KLHDC4: variants seen among roughly 807,000 people sequenced by gnomAD.
The protein encoded by KLHDC4 is kelch domain containing 4, also known as kelch domain-containing protein 4.
A neutral mutation model predicts 62.4 loss-of-function variants in KLHDC4; 90 were observed. The observed-to-expected ratio is 1.44, with a 90% CI of 1.22 to 1.72. The LOEUF is 1.72. Among genes scored for constraint, KLHDC4 ranks in the 40% most tolerant of loss-of-function variants. The pLI, the probability that KLHDC4 is intolerant of heterozygous loss-of-function variation, is 0.00. For synonymous variants in KLHDC4, 386 were observed against 284.4 expected, an observed-to-expected ratio of 1.36 and a Z score of -3.59; for missense variants, 1,025 against 699.7, an observed-to-expected ratio of 1.47 and a Z score of -5.25.
intron 4 of KLHDC4, among the ~76,000 whole-genome samples, chr16:87,750,676 C>T (rs1390549820): frequency 6.6e-6 from 1 of 152,214 alleles, no homozygotes; most frequent in Admixed American, 6.5e-5. Context: ...CAGGCTCCCT[C>T]CCGGCACCTC....
At chr16:87,714,749 T>C (rs2036598529) in intron 7 of KLHDC4, among the ~76,000 whole-genome samples, 176 bp from the exon 8 acceptor site, 1 of 152,182 alleles carries the variant, frequency 6.6e-6, no homozygotes, top group South Asian at 2.1e-4. Flanking sequence ...CCTGACAGGC[T>C]TTATCCCCCA....
At chr16:87,737,855 T>C (rs1008943878) in intron 5 of KLHDC4, among the ~76,000 whole-genome samples, 6 of 152,080 alleles carry the variant, frequency 3.9e-5, no homozygotes, top group Admixed American at 3.3e-4. Flanking sequence ...CCTCCCAAAG[T>C]GCTGGGATTA....
intron 4 of KLHDC4, among the ~76,000 whole-genome samples, chr16:87,753,253 C>T (rs1294193400): frequency 6.6e-6 from 1 of 152,210 alleles, no homozygotes; most frequent in African/African-American, 2.4e-5. Context: ...ACCAAGGAAC[C>T]ACCACTGTGA....
intron 1 of KLHDC4, chr16:87,765,077 G>A (rs376396525): frequency 1.4e-4 from 65 of 455,566 alleles, no homozygotes; most frequent in African/African-American, 1.1e-3. Context: ...TGCTCGTGAG[G>A]AGTAAAGCCC....
intron 2 of KLHDC4, 141 bp from the exon 3 acceptor site, chr16:87,756,618 G>T (rs1173229541): frequency 1.6e-6 from 1 of 611,412 alleles, no homozygotes; most frequent in African/African-American, 1.9e-5. Context: ...ATCGAGAAAG[G>T]AAGCAAAGGT....
At chr16:87,707,204 C>T (rs546554551), downstream of KLHDC4, among the ~76,000 whole-genome samples, 20 of 152,346 alleles carry the variant, frequency 1.3e-4, no homozygotes, top group African/African-American at 4.8e-4. Flanking sequence ...AGTTAGCGCA[C>T]CACAGCCTTC....
chr16:87,703,273 C>T (rs1251481294), downstream of KLHDC4: 1 of 152,184 alleles, frequency 6.6e-6, no homozygotes, highest in African/African-American at 2.4e-5. Flanking sequence ...ATGGCGTCCC[C>T]GGGTCAGCGC....
intron 2 of KLHDC4, 58 bp downstream of exon 2, chr16:87,761,891 G>T (rs1162744399): frequency 2.6e-6 from 4 of 1,545,220 alleles, no homozygotes. Flanking sequence ...ATTTAAAGCA[G>T]TTTTTCAATG....
At chr16:87,713,700 C>A (rs920308182) in intron 8 of KLHDC4, among the ~76,000 whole-genome samples, 3 of 152,072 alleles carry the variant, frequency 2.0e-5, no homozygotes. Context: ...ATGAAACGTG[C>A]CATGTGTAGA....
intron 7 of KLHDC4, among the ~76,000 whole-genome samples, chr16:87,715,824 GAC>G (rs1485333005): frequency 1.3e-5 from 2 of 152,308 alleles, no homozygotes; most frequent in East Asian, 3.9e-4. Flanking sequence ...CACAGATATT[GAC>G]ACAGACTTCG....
At chr16:87,765,434 T>A (rs1415181120) in intron 1 of KLHDC4, 1 of 495,860 alleles carries the variant, frequency 2.0e-6, no homozygotes, top group Non-Finnish European at 3.9e-6. Context: ...CCTCAGGTCT[T>A]CCTGTGCCAA....
intron 5 of KLHDC4, among the ~76,000 whole-genome samples, chr16:87,732,143 C>A (rs933316491): frequency 6.6e-6 from 1 of 150,768 alleles, no homozygotes; most frequent in East Asian, 1.9e-4. Flanking sequence ...TTGCCCAGGC[C>A]GGAGTGCAGT....
chr16:87,737,103 C>T lies in KLHDC4; in HGVS notation c.507-6459G>A, dbSNP rs1462088949. Among the ~76,000 whole-genome samples, 14 of 11,324 alleles carry T rather than the reference C, an allele frequency of 1.2e-3. No homozygotes were observed. The South Asian group carries it at 0.061, about 49-fold the overall frequency. The allele number at this position is 11,324 out of a possible 152,430, so 7.4% of individuals were successfully genotyped here. A position where few individuals can be genotyped will look rare whatever the true frequency, so the allele number is the denominator to read the frequency against. ...TGGCGCCTTTGTACTCCAGCCTGGG[C>T]GACAAAAAAAAAAAAAAAAAAAAAA... On this transcript the variant is annotated intron_variant, in intron 5 of 11. Coordinates refer to ENST00000270583, the MANE Select transcript of KLHDC4 (RefSeq NM_017566.4).
chr16:87,710,241 T>A (rs566435269), intron 9 of KLHDC4: 1 of 154,674 alleles, frequency 6.5e-6, no homozygotes, highest in African/African-American at 2.4e-5. Context: ...CTGTCCCACT[T>A]CCCTGGCTGC....
downstream of KLHDC4, among the ~76,000 whole-genome samples, chr16:87,705,819 G>A (rs1394412911): frequency 6.6e-6 from 1 of 152,176 alleles, no homozygotes; most frequent in Non-Finnish European, 1.5e-5. Flanking sequence ...GGGCGCTGCT[G>A]CCTGCGCTCT....
At chr16:87,721,884 C>A (rs909963584) in intron 7 of KLHDC4, among the ~76,000 whole-genome samples, 15 of 152,216 alleles carry the variant, frequency 9.9e-5, no homozygotes, top group African/African-American at 3.6e-4. Flanking sequence ...AGGACTCCGC[C>A]CCTCGCTGCC....
intron 1 of KLHDC4, 118 bp from the exon 2 acceptor site, chr16:87,762,158 T>G: frequency 2.0e-6 from 3 of 1,520,028 alleles, no homozygotes; most frequent in Non-Finnish European, 1.8e-6. Flanking sequence ...CATCTGTGAA[T>G]TGCAACATAC....
intron 6 of KLHDC4, among the ~76,000 whole-genome samples, chr16:87,729,887 C>T (rs79813982): frequency 0.087 from 13,242 of 152,282 alleles, 793 homozygotes; most frequent in South Asian, 0.21. Flanking sequence ...GAGCTGCGAT[C>T]AGCACTCTAA....
chr16:87,736,703 T>C (rs1054500277), intron 5 of KLHDC4, among the ~76,000 whole-genome samples: 4 of 152,264 alleles, frequency 2.6e-5, no homozygotes, highest in African/African-American at 4.8e-5. Context: ...CCTTGTCTCA[T>C]CTTAATGATT....
Sources: gnomAD v4.1 joint callset for allele counts (sites outside exome capture counted in the v4.1 genomes callset) on GRCh38, gnomAD v4.1.1 for gene constraint, MANE v1.5 for transcripts, NCBI Gene and HGNC (gene_info 2026-07-23, HGNC 2026-07-21) for gene names.